SNX13: variants seen among roughly 807,000 people sequenced by gnomAD.
SNX13 encodes the protein sorting nexin 13.
Under a neutral mutation model 133.6 loss-of-function variants are expected in SNX13, and 45 were observed. That is an observed-to-expected ratio of 0.34 (90% CI 0.27 to 0.43). The LOEUF (loss-of-function observed/expected upper bound fraction) is 0.43, where lower values mean the gene tolerates loss of function less well. SNX13 is among the 20% of genes least tolerant of loss of function. SNX13 has a pLI of 1.00. For missense variants in SNX13, 1,032 were observed against 1,145.1 expected, an observed-to-expected ratio of 0.90 and a Z score of 1.43; for synonymous variants, 414 against 373.9, an observed-to-expected ratio of 1.11 and a Z score of -1.24.
At chr7:17,816,125 T>C (rs1786628999) in intron 19 of SNX13, 57 bp downstream of exon 19, 1 of 1,464,494 alleles carries the variant, frequency 6.8e-7, no homozygotes, top group South Asian at 1.4e-5. Flanking sequence ...AAAAACATTC[T>C]ACACCTGTGT....
chr7:17,920,627 C>A (rs900970447), intron 1 of SNX13, among the ~76,000 whole-genome samples: 1 of 152,152 alleles, frequency 6.6e-6, no homozygotes, highest in Non-Finnish European at 1.5e-5. Context: ...TTTATTCTTA[C>A]AAAAACTTTG....
chr7:17,814,897 G>T lies in SNX13; in HGVS notation c.2001C>A (p.His667Gln). ...EMMKASPALAHYVYDFLENKA... is the reference protein window; with the variant it reads ...EMMKASPALAQYVYDFLENKA... ...TGTTCTCAAGGAAATCATACACATA[G>T]TGAGCTAAAGCGGGGGATGCCTTCA... The change falls in exon 20 of 26, where the codon CAC becomes CAA. Residue 667 changes from histidine to glutamine, a missense_variant. Transcript: ENST00000428135. 2 of 1,541,638 alleles carry T rather than the reference G, an allele frequency of 1.3e-6. No individual in the cohort carries two copies. Among genetic ancestry groups the T allele is most frequent in the South Asian group, 1.3e-5 (1 of 77,914 alleles).
chr7:17,929,396 A>G (rs1479852594), intron 1 of SNX13, among the ~76,000 whole-genome samples: 1 of 152,168 alleles, frequency 6.6e-6, no homozygotes, highest in Non-Finnish European at 1.5e-5. Context: ...AGGGACTGAA[A>G]TTATGTATAT....
At chr7:17,859,400 T>C (rs562885916) in intron 9 of SNX13, among the ~76,000 whole-genome samples, 2 of 152,106 alleles carry the variant, frequency 1.3e-5, no homozygotes, top group East Asian at 1.9e-4. Flanking sequence ...GAAGTTAAAA[T>C]TTAAGATTGA....
chr7:17,830,338 G>C (rs1583398356), intron 15 of SNX13: 1 of 984,116 alleles, frequency 1.0e-6, no homozygotes, highest in Non-Finnish European at 1.2e-6. Flanking sequence ...TTATTCTCAT[G>C]GTATCAAGTA....
At chr7:17,881,608 A>C (rs1795360725) in intron 5 of SNX13, 1 of 150,812 alleles carries the variant, frequency 6.6e-6, no homozygotes, top group Admixed American at 6.6e-5. Flanking sequence ...ACTGACTCAG[A>C]CTTTTTTTTG....
intron 1 of SNX13, among the ~76,000 whole-genome samples, chr7:17,908,782 A>C (rs1451134172): frequency 6.6e-6 from 1 of 152,236 alleles, no homozygotes; most frequent in Non-Finnish European, 1.5e-5. Flanking sequence ...ATATAATTAC[A>C]AAACAATACA....
In SNX13 at chr7:17,897,282, T is replaced by C. The variant is rs934983413; in HGVS notation, c.125+52A>G. ...CCCGTTTCTCAGTCATTTGTTTCCA[T>C]TTTAACAAGATATGACACATGAATT... On this transcript the variant is annotated intron_variant, in intron 2 of 25. Coordinates refer to ENST00000428135, the MANE Select transcript of SNX13 (RefSeq NM_015132.5). The C allele has an allele frequency of 8.5e-5, 85 of 997,386 alleles. No homozygotes were observed. In the African/African-American group the frequency reaches 1.2e-3, roughly 14 times the overall value. 61.8% of individuals were successfully genotyped at this position (997,386 alleles called of 1,614,324 possible). A position where few individuals can be genotyped will look rare whatever the true frequency, so the allele number is the denominator to read the frequency against.
chr7:17,913,309 G>A (rs543103927), intron 1 of SNX13, among the ~76,000 whole-genome samples: 3 of 152,236 alleles, frequency 2.0e-5, no homozygotes, highest in South Asian at 4.1e-4. Flanking sequence ...AGAGACAGCA[G>A]TGGCTCTTCC....
chr7:17,872,599 T>C (rs1794245930), intron 8 of SNX13, among the ~76,000 whole-genome samples: 1 of 152,176 alleles, frequency 6.6e-6, no homozygotes, highest in Non-Finnish European at 1.5e-5. Context: ...CACTTTCTAT[T>C]ACTTCACATA....
intron 1 of SNX13, chr7:17,898,357 A>G (rs1343286885): frequency 6.6e-6 from 1 of 152,204 alleles, no homozygotes; most frequent in African/African-American, 2.4e-5. Flanking sequence ...AAAGCATTAT[A>G]AGATGCTAAA....
chr7:17,936,646 T>C (rs961604469), intron 1 of SNX13, among the ~76,000 whole-genome samples: 8 of 152,176 alleles, frequency 5.3e-5, no homozygotes, highest in African/African-American at 1.9e-4. Flanking sequence ...ATGCTCAGAA[T>C]TATAATCCTA....
intron 18 of SNX13, among the ~76,000 whole-genome samples, chr7:17,818,444 C>T (rs958280512): frequency 9.2e-5 from 14 of 152,066 alleles, no homozygotes; most frequent in Admixed American, 6.5e-4. Context: ...GGAACAGAAA[C>T]ATAAATCACT....
At chr7:17,805,276 C>CG (rs1785165440) in intron 20 of SNX13, among the ~76,000 whole-genome samples, 1 of 143,884 alleles carries the variant, frequency 7.0e-6, no homozygotes, top group Non-Finnish European at 1.5e-5. Context: ...CATGCATGCA[C>CG]ATGTGTAATT....
chr7:17,881,237 A>AACACAAAC (rs144239443), intron 5 of SNX13: 21 of 148,484 alleles, frequency 1.4e-4, no homozygotes, highest in African/African-American at 5.2e-4. Flanking sequence ...CTATATGTAC[A>AACACAAAC]ACACACACAC....
intron 1 of SNX13, among the ~76,000 whole-genome samples, chr7:17,913,023 G>A (rs142057912): frequency 1.1e-4 from 16 of 152,294 alleles, no homozygotes; most frequent in African/African-American, 3.6e-4. Flanking sequence ...GTGTGTCACT[G>A]CTGGGCACCC....
At position 17,793,432 on chromosome 7, in the gene SNX13, T is replaced by C. The variant is rs988428159; in HGVS notation, c.*613A>G. The C allele has an allele frequency of 2.0e-5, 3 of 151,832 alleles. No homozygotes were observed. Among genetic ancestry groups the C allele is most frequent in the African/African-American group, 4.8e-5 (2 of 41,392 alleles). 9.4% of individuals were successfully genotyped at this position (151,832 alleles called of 1,614,324 possible). A position where few individuals can be genotyped will look rare whatever the true frequency, so the allele number is the denominator to read the frequency against. ...AAATCCAATCAAATTCTGTGTTTGATTGGTTTTATTTTATACTCAGCTTTA... is the reference window on the plus strand; with the variant it reads ...AAATCCAATCAAATTCTGTGTTTGACTGGTTTTATTTTATACTCAGCTTTA... On this transcript the variant is annotated 3_prime_UTR_variant, in exon 26 of 26. Coordinates refer to ENST00000428135, the MANE Select transcript of SNX13 (RefSeq NM_015132.5).
At chr7:17,925,943 A>T (rs540119139) in intron 1 of SNX13, among the ~76,000 whole-genome samples, 108 of 152,366 alleles carry the variant, frequency 7.1e-4, no homozygotes, top group African/African-American at 2.5e-3. Context: ...TTAGATTATA[A>T]TTGGGAATTG....
At chr7:17,821,295 C>T (rs1487542236) in intron 18 of SNX13, among the ~76,000 whole-genome samples, 1 of 152,192 alleles carries the variant, frequency 6.6e-6, no homozygotes, top group Non-Finnish European at 1.5e-5. Context: ...TCTTGATAGT[C>T]TGTCACTAGT....
Sources: gnomAD v4.1 joint callset for allele counts (sites outside exome capture counted in the v4.1 genomes callset) on GRCh38, gnomAD v4.1.1 for gene constraint, MANE v1.5 for transcripts, NCBI Gene and HGNC (gene_info 2026-07-23, HGNC 2026-07-21) for gene names.